DICER1: variants seen among roughly 807,000 people sequenced by gnomAD.
DICER1 encodes endoribonuclease Dicer.
Under a neutral mutation model 194.1 loss-of-function variants are expected in DICER1, and 43 were observed. That is an observed-to-expected ratio of 0.22 (90% CI 0.17 to 0.29). DICER1 has a LOEUF of 0.29. Ranked by LOEUF, DICER1 falls within the 10% of genes least tolerant of loss-of-function variation. The pLI is 1.00. For missense variants in DICER1, 1,608 were observed against 2,317.0 expected (o/e 0.69, Z 6.28); for synonymous variants, 832 against 820.5 (o/e 1.01, Z -0.24).
At position 95,157,256 on chromosome 14, in the gene DICER1, C is replaced by T. The variant is rs944749966; in HGVS notation, c.-72G>A. On this transcript the variant is annotated 5_prime_UTR_variant, in exon 1 of 27. Coordinates refer to ENST00000343455, the MANE Select transcript of DICER1 (RefSeq NM_177438.3). ...TGCAGCACGGGGCGCCGCGGGCCTT[C>T]GAGAACCATCGGACCCCGCTCCGGC... is the stretch of plus-strand genomic sequence containing the variant. 1.3e-5 allele frequency: 2 copies of T among 151,112 alleles called. No homozygotes were observed. The highest frequency in any genetic ancestry group is 4.8e-5 in the African/African-American group (2 of 41,318). 9.4% of individuals were successfully genotyped at this position (151,112 alleles called of 1,614,324 possible). A position where few individuals can be genotyped will look rare whatever the true frequency, so the allele number is the denominator to read the frequency against.
chr14:95,118,099 C>G (rs1451648483), intron 8 of DICER1, among the ~76,000 whole-genome samples: 1 of 152,220 alleles, frequency 6.6e-6, no homozygotes, highest in Non-Finnish European at 1.5e-5. Flanking sequence ...CCTCATAGAT[C>G]TTGGCCTCGG....
intron 1 of DICER1, among the ~76,000 whole-genome samples, chr14:95,139,258 A>G (rs1360010706): frequency 6.6e-6 from 1 of 152,224 alleles, no homozygotes; most frequent in African/African-American, 2.4e-5. Context: ...ATTCTTATTT[A>G]GAAAATTTCT....
Position 95,104,055 on chromosome 14 carries a change from G to C in DICER1, c.3341C>G (p.Ser1114Cys), listed in dbSNP as rs1278843875. ...SKSFISISNS[S>C]SAENDNYCKH... ...ACAGTAATTATCATTTTCAGCTGAA[G>C]AGGAGTTAGAAATTGAGATGAAAGA... The change falls in exon 21 of 27, where the codon TCT becomes TGT. Residue 1114 changes from serine to cysteine, a missense_variant. Physicochemically the swap from Ser to Cys is moderately radical, Grantham distance 112. Coordinates refer to ENST00000343455, the MANE Select transcript of DICER1 (RefSeq NM_177438.3). The C allele has an allele frequency of 1.9e-6, 3 of 1,614,118 alleles. No homozygotes were observed. Among genetic ancestry groups the C allele is most frequent in the Non-Finnish European group, 1.7e-6 (2 of 1,179,984 alleles).
intron 10 of DICER1, among the ~76,000 whole-genome samples, 189 bp downstream of exon 10, chr14:95,116,262 CTT>C (rs1892454579): frequency 6.6e-6 from 1 of 152,210 alleles, no homozygotes; most frequent in South Asian, 2.1e-4. Flanking sequence ...CTTTCAAACA[CTT>C]TGTATAACAC....
chr14:95,118,983 C>A (rs894264476), intron 8 of DICER1, among the ~76,000 whole-genome samples: 1 of 152,044 alleles, frequency 6.6e-6, no homozygotes, highest in African/African-American at 2.4e-5. Flanking sequence ...TCAGAGCTCC[C>A]TTATTATGTT....
chr14:95,108,178 T>C, intron 15 of DICER1, 85 bp from the exon 16 acceptor site: 1 of 1,319,110 alleles, frequency 7.6e-7, no homozygotes, highest in South Asian at 1.2e-5. Context: ...GAAATGATGC[T>C]TTCTAGTGGA....
intron 4 of DICER1, among the ~76,000 whole-genome samples, chr14:95,131,082 T>C (rs1284848821): frequency 1.3e-5 from 2 of 152,114 alleles, no homozygotes; most frequent in African/African-American, 2.4e-5. Context: ...CGGGCTGGAG[T>C]GCAGTGGCGC....
At chr14:95,116,058 G>GACAGACAC (rs370011591) in intron 10 of DICER1, among the ~76,000 whole-genome samples, 3 of 142,952 alleles carry the variant, frequency 2.1e-5, no homozygotes, top group African/African-American at 7.6e-5. Flanking sequence ...TGCCTACACA[G>GACAGACAC]ACACACACAC....
Position 95,089,450 on chromosome 14 carries a change from T to A in DICER1, c.*1048A>T. On this transcript the variant is annotated 3_prime_UTR_variant, in exon 27 of 27. Coordinates refer to ENST00000343455, the MANE Select transcript of DICER1 (RefSeq NM_177438.3). ...TCTTAAATAAGTAACCAATCAATTATAAAATCTGCAGCATATTTTAGGTGT... is the reference window on the plus strand; with the variant it reads ...TCTTAAATAAGTAACCAATCAATTAAAAAATCTGCAGCATATTTTAGGTGT... 4.3e-6 allele frequency: 1 copy of A among 232,740 alleles called. No individual in the cohort carries two copies. The highest frequency in any genetic ancestry group is 8.5e-6 in the Non-Finnish European group (1 of 117,738). The allele number at this position is 232,740 out of a possible 1,614,324, so 14.4% of individuals were successfully genotyped here. A position where few individuals can be genotyped will look rare whatever the true frequency, so the allele number is the denominator to read the frequency against.
intron 1 of DICER1, among the ~76,000 whole-genome samples, chr14:95,137,207 G>A (rs1894447285): frequency 6.9e-6 from 1 of 144,446 alleles, no homozygotes. Context: ...GAAGGGGAAA[G>A]GAAAAAGGGA....
chr14:95,152,488 T>C lies in DICER1; in HGVS notation c.-46+4742A>G, dbSNP rs529158629. Among the ~76,000 whole-genome samples, 33 of 152,338 alleles carry C rather than the reference T, an allele frequency of 2.2e-4. 1 individual carries two copies. The South Asian group carries it at 6.8e-3, about 32-fold the overall frequency. On this transcript the variant is annotated intron_variant, in intron 1 of 26. Coordinates refer to ENST00000343455, the MANE Select transcript of DICER1 (RefSeq NM_177438.3). The stretch of plus-strand genomic sequence containing the variant: ...ATATGTCAAGCACCATGTCTGGTAA[T>C]GAACATGCATGAAGAATCTAATCCT...
intron 26 of DICER1, 140 bp from the exon 27 acceptor site, chr14:95,090,803 C>T: frequency 1.8e-6 from 2 of 1,102,494 alleles, no homozygotes; most frequent in Non-Finnish European, 2.7e-6. Flanking sequence ...TTACGACTTA[C>T]TGCAATTGCA....
chr14:95,091,623 A>T (rs1179215077), intron 24 of DICER1, among the ~76,000 whole-genome samples: 6 of 152,262 alleles, frequency 3.9e-5, no homozygotes, highest in Admixed American at 3.9e-4. Flanking sequence ...AAGAAAAAAG[A>T]TTACTTCTAA....
intron 14 of DICER1, among the ~76,000 whole-genome samples, chr14:95,109,372 T>C (rs1249325214): frequency 6.6e-6 from 1 of 152,198 alleles, no homozygotes; most frequent in Non-Finnish European, 1.5e-5. Flanking sequence ...ATGTATCTAT[T>C]AATTAAACAG....
chr14:95,146,760 C>G (rs10141138), intron 1 of DICER1, among the ~76,000 whole-genome samples: 10,775 of 152,144 alleles, frequency 0.071, 1,302 homozygotes, highest in African/African-American at 0.25. Flanking sequence ...GGCCCGGACA[C>G]GGGGGTCACC....
intron 8 of DICER1, among the ~76,000 whole-genome samples, chr14:95,121,677 T>C (rs1315970119): frequency 6.6e-6 from 1 of 152,208 alleles, no homozygotes; most frequent in African/African-American, 2.4e-5. Flanking sequence ...TTCTGCCACT[T>C]GATATGTGTG....
chr14:95,096,466 T>G lies in DICER1; in HGVS notation c.4454A>C (p.Lys1485Thr). Residue 1485 changes from lysine to threonine, a missense_variant, in exon 23 of 27, where the codon AAA becomes ACA. Lys to Thr is a moderately conservative substitution (Grantham distance 78). This residue lies in a region of DICER1 where 164 missense variants were observed against 183.7 expected (regional missense o/e 0.89). Transcript: ENST00000343455. ...TDSAYEWKMPKKSSLGSMPFS... is the reference protein window; with the variant it reads ...TDSAYEWKMPTKSSLGSMPFS... Reference sequence around the variant, plus strand: ...TGGCATACTACCTAAGGAGGATTTTTTGGGCATTTTCCATTCATATGCAGA... The same window carrying G: ...TGGCATACTACCTAAGGAGGATTTTGTGGGCATTTTCCATTCATATGCAGA... 6.2e-7 allele frequency: 1 copy of G among 1,614,216 alleles called. No individual in the cohort carries two copies. The highest frequency in any genetic ancestry group is 1.1e-5 in the South Asian group (1 of 91,084).
Position 95,129,488 on chromosome 14 carries a change from G to T in DICER1, c.718C>A (p.Leu240Met), listed in dbSNP as rs1060503615. The T allele has an allele frequency of 6.2e-7, 1 of 1,613,640 alleles. No homozygotes were observed. The highest frequency in any genetic ancestry group is 1.3e-5 in the African/African-American group (1 of 74,890). ...AGTGCATACCTGTCTAAGACCACCA[G>T]GTCAGTTGCAGTTTCAGCATTACTC... ...LKSNAETATD[L>M]VVLDRYTSQP... The change falls in exon 6 of 27, where the codon CTG becomes ATG. Residue 240 changes from leucine to methionine, a missense_variant. Coordinates refer to ENST00000343455, the MANE Select transcript of DICER1 (RefSeq NM_177438.3).
chr14:95,117,559 T>C (rs1892584471), intron 9 of DICER1, 63 bp downstream of exon 9: 5 of 1,555,874 alleles, frequency 3.2e-6, no homozygotes, highest in Non-Finnish European at 4.4e-6. Context: ...GGAGACCCTA[T>C]GGGCACTTTG....
Sources: gnomAD v4.1 joint callset for allele counts (sites outside exome capture counted in the v4.1 genomes callset) on GRCh38, gnomAD v4.1.1 for gene constraint, gnomAD v4.1.1 regional missense constraint, MANE v1.5 for transcripts, NCBI Gene and HGNC (gene_info 2026-07-23, HGNC 2026-07-21) for gene names.